The following VAPB variants were observed in gnomAD, a reference collection of about 807,000 sequenced individuals.
VAPB encodes VAMP associated protein B and C.
VAPB carries 7 observed loss-of-function variants against 25.6 expected under a neutral mutation model. The ratio of observed to expected loss-of-function variants is 0.27; its 90% CI spans 0.16 to 0.51. The LOEUF (loss-of-function observed/expected upper bound fraction) is 0.51. Ranked by LOEUF, VAPB falls within the 20% of genes least tolerant of loss-of-function variation. VAPB has a pLI of 0.97. For missense variants in VAPB, 266 were observed against 301.3 expected (o/e 0.88, Z 0.87); for synonymous variants, 112 against 109.2 (o/e 1.03, Z -0.16).
intron 1 of VAPB, among the ~76,000 whole-genome samples, chr20:58,397,978 T>G (rs546437368): frequency 1.3e-5 from 2 of 152,336 alleles, no homozygotes; most frequent in East Asian, 3.9e-4. Context: ...TGCATGGATA[T>G]AATGATCTCT....
intron 3 of VAPB, among the ~76,000 whole-genome samples, 177 bp from the exon 4 acceptor site, chr20:58,438,766 AGT>A (rs752163752): frequency 6.6e-6 from 1 of 152,200 alleles, no homozygotes; most frequent in Non-Finnish European, 1.5e-5. Context: ...TGAGAAAGTG[AGT>A]GTATTTAATC....
intron 1 of VAPB, among the ~76,000 whole-genome samples, chr20:58,414,709 C>T (rs1375190563): frequency 1.3e-5 from 2 of 151,390 alleles, no homozygotes; most frequent in East Asian, 1.9e-4. Context: ...GATGGGATGG[C>T]GGCCGGTCGG....
chr20:58,445,418 CTT>C lies in VAPB; in HGVS notation c.*1184_*1185del. The C allele has an allele frequency of 2.2e-6, 1 of 454,494 alleles. No homozygotes were observed. Among genetic ancestry groups the C allele is most frequent in the Non-Finnish European group, 4.4e-6 (1 of 226,798 alleles). 28.2% of individuals were successfully genotyped at this position (454,494 alleles called of 1,614,324 possible). ...TGGGGAGCAAGGGAAGAGAGAAACT[CTT>C]CAGCGAATCCTTCTAGTACTAGTTG... On this transcript the variant is annotated 3_prime_UTR_variant, in exon 6 of 6. Transcript: ENST00000475243.
At chr20:58,390,425 G>T (rs1987766764) in intron 1 of VAPB, 2 of 148,038 alleles carry the variant, frequency 1.4e-5, no homozygotes, top group African/African-American at 2.5e-5. Context: ...CGAGGTAAAA[G>T]TTCTTGTCTG....
intron 1 of VAPB, among the ~76,000 whole-genome samples, chr20:58,414,807 A>G (rs991480927): frequency 6.6e-6 from 1 of 152,146 alleles, no homozygotes; most frequent in East Asian, 1.9e-4. Flanking sequence ...GACGCTCCCC[A>G]CTTCCCAGAC....
At chr20:58,419,023 G>C (rs953484324) in intron 2 of VAPB, among the ~76,000 whole-genome samples, 1 of 152,250 alleles carries the variant, frequency 6.6e-6, no homozygotes, top group Non-Finnish European at 1.5e-5. Flanking sequence ...GGAGATGTCA[G>C]TGATGGGTTG....
intron 1 of VAPB, among the ~76,000 whole-genome samples, chr20:58,412,576 C>CAAAAAAAAAAAAAAAAAAAA (rs375713162): frequency 1.1e-5 from 1 of 90,784 alleles, no homozygotes; most frequent in Admixed American, 1.2e-4. Flanking sequence ...GACTCTGTCT[C>CAAAAAAAAAAAAAAAAAAAA]AAAAAAAAAA....
At chr20:58,417,296 G>A (rs1320140347) in intron 1 of VAPB, among the ~76,000 whole-genome samples, 1 of 152,128 alleles carries the variant, frequency 6.6e-6, no homozygotes, top group African/African-American at 2.4e-5. Context: ...TTATTTGTTA[G>A]CCCCTATCCC....
At position 58,432,785 on chromosome 20, in the gene VAPB, G is replaced by T. The variant is rs1040769873; in HGVS notation, c.212-1817G>T. 4.6e-5 allele frequency among the ~76,000 whole-genome samples: 7 copies of T among 152,224 alleles called. No individual in the cohort carries two copies. In the East Asian group the frequency reaches 9.6e-4, roughly 21 times the overall value. On this transcript the variant is annotated intron_variant, in intron 2 of 5. Transcript: ENST00000475243. ...CCTGCCAGTCTGGTCATTTGTCCCTGAGGTTAAGTGTCAAGCCCAGGTCGG... is the reference window on the plus strand; with the variant it reads ...CCTGCCAGTCTGGTCATTTGTCCCTTAGGTTAAGTGTCAAGCCCAGGTCGG...
intron 2 of VAPB, among the ~76,000 whole-genome samples, chr20:58,428,021 A>G (rs1051558622): frequency 1.3e-5 from 2 of 152,162 alleles, no homozygotes; most frequent in African/African-American, 4.8e-5. Flanking sequence ...ATCTGTTACC[A>G]TTATGATGCA....
intron 1 of VAPB, among the ~76,000 whole-genome samples, chr20:58,397,160 G>C (rs764813106): frequency 1.8e-4 from 27 of 152,222 alleles, no homozygotes; most frequent in Non-Finnish European, 3.7e-4. Flanking sequence ...TCCAAAGAAT[G>C]TTTGATTTCT....
At chr20:58,399,674 G>A in intron 1 of VAPB, among the ~76,000 whole-genome samples, 1 of 147,624 alleles carries the variant, frequency 6.8e-6, no homozygotes. Flanking sequence ...CTGAGATTGT[G>A]CCTCTGCACT....
intron 2 of VAPB, among the ~76,000 whole-genome samples, chr20:58,420,000 T>A (rs1988635383): frequency 6.6e-6 from 1 of 152,164 alleles, no homozygotes; most frequent in Admixed American, 6.5e-5. Flanking sequence ...TCTCTCTTTT[T>A]TTTTTGAGAC....
chr20:58,422,745 A>T (rs1015950250), intron 2 of VAPB, among the ~76,000 whole-genome samples: 1 of 152,076 alleles, frequency 6.6e-6, no homozygotes, highest in Non-Finnish European at 1.5e-5. Context: ...CTGTAATATG[A>T]TATTAAGTTT....
chr20:58,427,291 A>G (rs1988814883), intron 2 of VAPB, among the ~76,000 whole-genome samples: 1 of 137,542 alleles, frequency 7.3e-6, no homozygotes, highest in Admixed American at 7.4e-5. Context: ...GGCGAAAGTG[A>G]TCTGTGATCT....
At chr20:58,422,013 A>G (rs1030829139) in intron 2 of VAPB, among the ~76,000 whole-genome samples, 2 of 152,230 alleles carry the variant, frequency 1.3e-5, no homozygotes, top group Non-Finnish European at 2.9e-5. Context: ...ACTCCCTTTT[A>G]TAAACTTAGG....
intron 4 of VAPB, 182 bp from the exon 5 acceptor site, chr20:58,440,725 C>T (rs779385532): frequency 6.2e-4 from 349 of 565,116 alleles, no homozygotes; most frequent in Admixed American, 1.4e-3. Flanking sequence ...TTCTAGGGCC[C>T]TGTTGCTTTA....
At chr20:58,421,007 G>A (rs1383471191) in intron 2 of VAPB, among the ~76,000 whole-genome samples, 2 of 152,208 alleles carry the variant, frequency 1.3e-5, no homozygotes, top group East Asian at 3.8e-4. Flanking sequence ...TCGACAGGCA[G>A]TGCAGATTAT....
rs1219389825 is a variant in VAPB, at chr20:58,445,384, A to C, written c.*1149A>C. ...GAGGGTTAGAAGCGAGGGCACCAGC[A>C]GTTGTGGGTGGGGAGCAAGGGAAGA... is the stretch of plus-strand genomic sequence containing the variant. On this transcript the variant is annotated 3_prime_UTR_variant, in exon 6 of 6. Transcript: ENST00000475243. 1 of 454,586 alleles carries C rather than the reference A, an allele frequency of 2.2e-6. No individual in the cohort carries two copies. The highest frequency in any genetic ancestry group is 6.9e-5 in the East Asian group (1 of 14,394). 28.2% of individuals were successfully genotyped at this position (454,586 alleles called of 1,614,324 possible). A position where few individuals can be genotyped will look rare whatever the true frequency, so the allele number is the denominator to read the frequency against.
Sources: gnomAD v4.1 joint callset for allele counts (sites outside exome capture counted in the v4.1 genomes callset) on GRCh38, gnomAD v4.1.1 for gene constraint, MANE v1.5 for transcripts, NCBI Gene and HGNC (gene_info 2026-07-23, HGNC 2026-07-21) for gene names.